The following NHS variants were observed in gnomAD, a reference collection of about 807,000 sequenced individuals.
NHS encodes the protein actin remodeling regulator NHS.
NHS carries 5 observed loss-of-function variants against 72.5 expected under a neutral mutation model. That is an observed-to-expected ratio of 0.07 (90% CI 0.04 to 0.14). The LOEUF (loss-of-function observed/expected upper bound fraction) is 0.14. NHS is among the 10% of genes least tolerant of loss of function. NHS has a pLI of 1.00. For missense variants in NHS, 1,072 were observed against 1,355.7 expected, an observed-to-expected ratio of 0.79 and a Z score of 3.29; for synonymous variants, 464 against 547.7, an observed-to-expected ratio of 0.85 and a Z score of 2.13.
intron 1 of NHS, among the ~76,000 whole-genome samples, chrX:17,525,842 T>C (rs1425058772): frequency 2.7e-5 from 3 of 111,269 alleles, no homozygotes; most frequent in Admixed American, 1.9e-4. Flanking sequence ...GTTATAACAC[T>C]GGTTGTTACA....
chrX:17,468,533 T>C (rs774448808), intron 1 of NHS, among the ~76,000 whole-genome samples: 1 of 110,488 alleles, frequency 9.1e-6, no homozygotes, highest in Admixed American at 9.7e-5. Context: ...TTCTTTTTCA[T>C]TTTTTTAAAT....
At chrX:17,590,594 A>T (rs1274093552) in intron 1 of NHS, among the ~76,000 whole-genome samples, 1 of 112,122 alleles carries the variant, frequency 8.9e-6, no homozygotes, top group Non-Finnish European at 1.9e-5. Flanking sequence ...ACTGGCAGTA[A>T]AATGCCAAAA....
chrX:17,642,686 T>C (rs1411050784), intron 1 of NHS, among the ~76,000 whole-genome samples: 1 of 112,252 alleles, frequency 8.9e-6, no homozygotes, highest in Non-Finnish European at 1.9e-5. Flanking sequence ...ATTTCAGTAG[T>C]GGGTGGATAT....
At chrX:17,554,543 G>A (rs2065356820) in intron 1 of NHS, among the ~76,000 whole-genome samples, 1 of 112,594 alleles carries the variant, frequency 8.9e-6, no homozygotes, top group African/African-American at 3.2e-5. Context: ...CTCAGCTCTG[G>A]ACTGTCAAAG....
intron 1 of NHS, among the ~76,000 whole-genome samples, chrX:17,441,979 C>T (rs2146883002): frequency 8.9e-6 from 1 of 111,900 alleles, no homozygotes; most frequent in South Asian, 3.7e-4. Flanking sequence ...TTGGGCTCAC[C>T]ACCCCTGTCC....
At chrX:17,409,016 T>C (rs1231971694) in intron 1 of NHS, among the ~76,000 whole-genome samples, 1 of 111,220 alleles carries the variant, frequency 9.0e-6, no homozygotes, top group African/African-American at 3.3e-5. Context: ...TCTCTTCTGA[T>C]AAAGATGCTA....
At chrX:17,731,154 A>G (rs1014402360) in intron 8 of NHS, among the ~76,000 whole-genome samples, 4 of 109,700 alleles carry the variant, frequency 3.6e-5, no homozygotes, top group Non-Finnish European at 7.6e-5. Flanking sequence ...GACAGAGTTA[A>G]TAAGAAAAAG....
At chrX:17,718,287 A>G (rs1456964090) in intron 3 of NHS, among the ~76,000 whole-genome samples, 1 of 94,595 alleles carries the variant, frequency 1.1e-5, no homozygotes, top group Non-Finnish European at 2.1e-5. Flanking sequence ...TGTGCTCTTA[A>G]CCACTATTTA....
chrX:17,553,541 A>G (rs1251627714), intron 1 of NHS, among the ~76,000 whole-genome samples: 1 of 112,353 alleles, frequency 8.9e-6, no homozygotes, highest in Non-Finnish European at 1.9e-5. Context: ...AGCATTTGTC[A>G]TGAGTAGCAC....
chrX:17,453,263 A>G (rs1390575495), intron 1 of NHS, among the ~76,000 whole-genome samples: 2 of 111,437 alleles, frequency 1.8e-5, no homozygotes, highest in Non-Finnish European at 3.8e-5. Flanking sequence ...GGTTGATCCT[A>G]ACCTGAAATC....
chrX:17,462,580 T>C (rs907198184), intron 1 of NHS, among the ~76,000 whole-genome samples: 2 of 112,141 alleles, frequency 1.8e-5, no homozygotes, highest in African/African-American at 6.5e-5. Flanking sequence ...TTTAAATATA[T>C]GTAAAGTACA....
intron 1 of NHS, among the ~76,000 whole-genome samples, chrX:17,680,507 C>T (rs2066120749): frequency 8.8e-6 from 1 of 113,332 alleles, no homozygotes; most frequent in Non-Finnish European, 1.9e-5. Flanking sequence ...CAAACACACA[C>T]GTGTGTGCAC....
At chrX:17,391,047 AAAAC>A (rs753368815) in intron 1 of NHS, among the ~76,000 whole-genome samples, 41 of 111,957 alleles carry the variant, frequency 3.7e-4, no homozygotes, top group South Asian at 7.7e-4. Context: ...AAGGAAAATT[AAAAC>A]AAACAAACAA....
intron 1 of NHS, among the ~76,000 whole-genome samples, chrX:17,577,578 TCCACTTTAAATTGAAATAC>T (rs1203228958): frequency 8.9e-6 from 1 of 111,741 alleles, no homozygotes; most frequent in African/African-American, 3.3e-5. Flanking sequence ...GGATTAAATA[TCCACTTTAAATTGAAATAC>T]CCACTTTAAA....
At chrX:17,718,411 AAAGGAAGGAGAGAAGGAAGAAAGG>A (rs1274971227) in intron 3 of NHS, among the ~76,000 whole-genome samples, 2 of 89,889 alleles carry the variant, frequency 2.2e-5, no homozygotes, top group East Asian at 3.5e-4. Context: ...AGGGAAGGAA[AAAGGAAGGAGAGAAGGAAGAAAGG>A]AAGGAAGGAG....
rs759836200 is a variant in NHS, at chrX:17,725,948, C to T, written c.1842C>T (p.Gly614=). 13 of 1,209,561 alleles carry T rather than the reference C, an allele frequency of 1.1e-5. No individual in the cohort carries two copies. The African/African-American group carries it at 1.6e-4, about 15-fold the overall frequency. The change falls in exon 7 of 9, where the codon GGC becomes GGT. Residue 614 remains glycine, a synonymous_variant. Transcript: ENST00000676302. ...CCATCCACTGCATCTCCACGGCTGGCGTCCTCCTTAGCAGCCACATGGACC... is the reference window on the plus strand; with the variant it reads ...CCATCCACTGCATCTCCACGGCTGGTGTCCTCCTTAGCAGCCACATGGACC... ...GSPIHCISTA[G]VLLSSHMDQK... is the part of the protein sequence containing the mutation.
At chrX:17,383,121 TC>T (rs759816458) in intron 1 of NHS, among the ~76,000 whole-genome samples, 1 of 112,199 alleles carries the variant, frequency 8.9e-6, no homozygotes, top group East Asian at 2.8e-4. Context: ...TGTCTTCCTT[TC>T]TCCATCTCAC....
intron 1 of NHS, among the ~76,000 whole-genome samples, chrX:17,486,888 T>C (rs1017838773): frequency 1.8e-5 from 2 of 111,466 alleles, no homozygotes; most frequent in African/African-American, 6.5e-5. Flanking sequence ...CTAACCACCA[T>C]AGCAACCTAA....
At chrX:17,444,875 T>C (rs1009238359) in intron 1 of NHS, among the ~76,000 whole-genome samples, 3 of 111,712 alleles carry the variant, frequency 2.7e-5, no homozygotes, top group Non-Finnish European at 5.6e-5. Flanking sequence ...TATGCATTTT[T>C]TTTTTTCCAT....
Sources: allele counts gnomAD v4.1 joint callset (sites outside exome capture counted in the v4.1 genomes callset), GRCh38; gene constraint gnomAD v4.1.1; transcripts MANE v1.5; gene names NCBI Gene and HGNC (gene_info 2026-07-23, HGNC 2026-07-21).